The following LRATD1 variants were observed in gnomAD, a reference collection of about 807,000 sequenced individuals.
LRATD1 encodes protein LRATD1.
LRATD1 carries 8 observed loss-of-function variants against 21.3 expected under a neutral mutation model. The observed-to-expected ratio is 0.38, with a 90% confidence interval of 0.22 to 0.68. The LOEUF (loss-of-function observed/expected upper bound fraction) is 0.68. Among genes scored for constraint, LRATD1 ranks in the 30% least tolerant of loss-of-function variants. The pLI, the probability that LRATD1 is intolerant of heterozygous loss-of-function variation, is 0.54. For synonymous variants in LRATD1, 210 were observed against 186.2 expected, an observed-to-expected ratio of 1.13 and a Z score of -1.04; for missense variants, 380 against 404.0, an observed-to-expected ratio of 0.94 and a Z score of 0.51.
chr2:14,649,224 G>A, intron 4 of LRATD1: 1 of 453,770 alleles, frequency 2.2e-6, no homozygotes, highest in Non-Finnish European at 4.4e-6. Flanking sequence ...GGAGAGGATG[G>A]TGGAGGAAGG....
At chr2:14,644,747 C>A (rs10183223), downstream of LRATD1, among the ~76,000 whole-genome samples, 36,557 of 151,886 alleles carry the variant, frequency 0.24, 4,405 homozygotes, top group South Asian at 0.31. Context: ...AGGATAGTCT[C>A]ACCCAAGGAG....
At chr2:14,647,372 T>C (rs976462252) in intron 4 of LRATD1, among the ~76,000 whole-genome samples, 7 of 152,126 alleles carry the variant, frequency 4.6e-5, no homozygotes, top group African/African-American at 1.4e-4. Context: ...CAAACACTTC[T>C]TGATAAAAGT....
chr2:14,646,274 A>G (rs1671892820), intron 3 of LRATD1: 1 of 152,224 alleles, frequency 6.6e-6, no homozygotes, highest in African/African-American at 2.4e-5. Flanking sequence ...GACCAATTGT[A>G]TAACACACAC....
chr2:14,634,415 G>A lies in LRATD1; in HGVS notation c.436G>A (p.Val146Ile), dbSNP rs772320491. 1.3e-5 allele frequency: 20 copies of A among 1,524,982 alleles called. No individual in the cohort carries two copies. The highest frequency in any genetic ancestry group is 1.8e-5 in the Non-Finnish European group (20 of 1,140,568). The allele number at this position is 1,524,982 out of a possible 1,614,324, so 94.5% of individuals were successfully genotyped here. A position where few individuals can be genotyped will look rare whatever the true frequency, so the allele number is the denominator to read the frequency against. ...EPPAPAPHWA[V>I]YVGGGQIIHL... ...GCCCGCGCCCGCCCCGCACTGGGCC[G>A]TCTACGTGGGCGGCGGGCAGATCAT... Residue 146 changes from valine (V) to isoleucine (I), a missense_variant, in exon 2 of 2, where the codon GTC becomes ATC. Transcript: ENST00000295092.
At chr2:14,646,725 G>A (rs141035861) in intron 4 of LRATD1, among the ~76,000 whole-genome samples, 134 of 152,256 alleles carry the variant, frequency 8.8e-4, no homozygotes, top group African/African-American at 3.0e-3. Flanking sequence ...GTAATGACAT[G>A]AGACAGGCCA....
Position 14,633,519 on chromosome 2 carries a change from G to A in LRATD1, c.-36-425G>A, listed in dbSNP as rs1671601719. On this transcript the variant is annotated intron_variant, in intron 1 of 1. Transcript: ENST00000295092. The surrounding 1 kb of genome is among the most constrained non-coding windows in gnomAD (Gnocchi z 7.5). ...GTGCAAAACTGGGAGGTGGGCTGGA[G>A]AGGGTGGGGACAGAAATGGGAGCTT... 1 of 167,854 alleles carries A rather than the reference G, an allele frequency of 6.0e-6. No homozygotes were observed. The highest frequency in any genetic ancestry group is 2.4e-5 in the African/African-American group (1 of 42,000). 10.4% of individuals were successfully genotyped at this position (167,854 alleles called of 1,614,324 possible).
At chr2:14,646,232 G>A (rs1053598633) in intron 3 of LRATD1, 1 of 152,094 alleles carries the variant, frequency 6.6e-6, no homozygotes, top group Non-Finnish European at 1.5e-5. Flanking sequence ...AGGTATCAGG[G>A]TATTCAAAAA....
chr2:14,635,008 C>G lies in LRATD1; in HGVS notation c.*150C>G. On this transcript the variant is annotated 3_prime_UTR_variant, in exon 2 of 2. Coordinates refer to ENST00000295092, the MANE Select transcript of LRATD1 (RefSeq NM_145175.4). ...GTGGCCCGGGCCCGGGCTGCACCCC[C>G]GCATCCCCAAGCCAGCGGCAGGAAG... 9.1e-7 allele frequency: 1 copy of G among 1,102,314 alleles called. No individual in the cohort carries two copies. Among genetic ancestry groups the G allele is most frequent in the Non-Finnish European group, 1.3e-6 (1 of 753,912 alleles). The allele number at this position is 1,102,314 out of a possible 1,614,324, so 68.3% of individuals were successfully genotyped here.
downstream of LRATD1, among the ~76,000 whole-genome samples, chr2:14,644,055 G>C (rs748547029): frequency 1.3e-5 from 2 of 151,986 alleles, no homozygotes; most frequent in African/African-American, 4.8e-5. Context: ...GTCCTAGTGG[G>C]AGATAAACTC....
intron 2 of LRATD1, among the ~76,000 whole-genome samples, chr2:14,645,455 A>C (rs1264857734): frequency 6.6e-6 from 1 of 152,218 alleles, no homozygotes; most frequent in Non-Finnish European, 1.5e-5. Flanking sequence ...TAAGGCTGTG[A>C]AAACAGTCCA....
In LRATD1 at chr2:14,633,960, C is replaced by T; in HGVS notation, c.-20C>T. On this transcript the variant is annotated 5_prime_UTR_variant, in exon 2 of 2. Transcript: ENST00000295092. The surrounding 1 kb of genome is among the most constrained non-coding windows in gnomAD (Gnocchi z 7.5). The stretch of plus-strand genomic sequence containing the variant: ...CCTCCGCAGATCCCCGCTCCTGGCC[C>T]TCGCCTCGCCACCTCATTGATGGGC... 6.2e-7 allele frequency: 1 copy of T among 1,600,780 alleles called. No individual in the cohort carries two copies. The highest frequency in any genetic ancestry group is 8.5e-7 in the Non-Finnish European group (1 of 1,170,716).
intron 4 of LRATD1, among the ~76,000 whole-genome samples, chr2:14,648,742 C>T (rs905777489): frequency 6.6e-6 from 1 of 152,202 alleles, no homozygotes; most frequent in African/African-American, 2.4e-5. Context: ...TTGAGAACCA[C>T]TGCAATGAGA....
intron 2 of LRATD1, chr2:14,646,101 T>C (rs1399358200): frequency 6.6e-6 from 1 of 151,880 alleles, no homozygotes; most frequent in Admixed American, 6.6e-5. Flanking sequence ...CTTTTTCTTA[T>C]AGAACAAAAC....
chr2:14,635,054 C>A lies in LRATD1; in HGVS notation c.*196C>A. On this transcript the variant is annotated 3_prime_UTR_variant, in exon 2 of 2. Coordinates refer to ENST00000295092, the MANE Select transcript of LRATD1 (RefSeq NM_145175.4). ...GGAAGTCTCAGGAACTGCCCCAGGG[C>A]CGAAAGGGCGCCGCTGCGAGCGCCT... The A allele has an allele frequency of 2.4e-6, 2 of 842,278 alleles. No individual in the cohort carries two copies. Among genetic ancestry groups the A allele is most frequent in the Non-Finnish European group, 3.9e-6 (2 of 507,390 alleles). The allele number at this position is 842,278 out of a possible 1,614,324, so 52.2% of individuals were successfully genotyped here. A position where few individuals can be genotyped will look rare whatever the true frequency, so the allele number is the denominator to read the frequency against.
rs1414011364 is a variant in LRATD1, at chr2:14,634,781, G to C, written c.802G>C (p.Glu268Gln). 6.2e-7 allele frequency: 1 copy of C among 1,600,160 alleles called. No individual in the cohort carries two copies. The highest frequency in any genetic ancestry group is 1.7e-5 in the Admixed American group (1 of 58,504). The change falls in exon 2 of 2, where the codon GAG becomes CAG. Residue 268 changes from glutamate to glutamine, a missense_variant. Coordinates refer to ENST00000295092, the MANE Select transcript of LRATD1 (RefSeq NM_145175.4). Reference sequence around the variant, plus strand: ...TCACAGCCTGGAAGACCTCATCCGCGAGAAGCGCCGTATCGACGCCAGCGG... The same window carrying C: ...TCACAGCCTGGAAGACCTCATCCGCCAGAAGCGCCGTATCGACGCCAGCGG... ...RFHSLEDLIR[E>Q]KRRIDASGRL...
downstream of LRATD1, among the ~76,000 whole-genome samples, chr2:14,641,808 T>A (rs1298693531): frequency 6.6e-6 from 1 of 152,196 alleles, no homozygotes; most frequent in East Asian, 1.9e-4. Context: ...CCATTCTAAA[T>A]TCCAGAACAG....
chr2:14,634,216 G>A lies in LRATD1; in HGVS notation c.237G>A (p.Leu79=), dbSNP rs112489085. The change falls in exon 2 of 2, where the codon CTG becomes CTA. Residue 79 remains leucine, a synonymous_variant. Transcript: ENST00000295092. The part of the protein sequence containing the change: ...SRHHHHLLHQ[L]VLNETQFSAF... The stretch of plus-strand genomic sequence containing the variant: ...ACCACCACCACCTGCTGCACCAGCT[G>A]GTCCTCAACGAGACTCAGTTTTCCG... 18 of 1,613,058 alleles carry A rather than the reference G, an allele frequency of 1.1e-5. No individual in the cohort carries two copies. In the African/African-American group the frequency reaches 1.6e-4, roughly 14 times the overall value.
rs1558253575 is a variant in LRATD1 at position 14,633,041 on chromosome 2, AACCTCTCT to A, written c.-37+107_-37+114del. The A allele has an allele frequency of 1.3e-5, 2 of 152,412 alleles. No individual in the cohort carries two copies. Among genetic ancestry groups the A allele is most frequent in the African/African-American group, 4.8e-5 (2 of 41,490 alleles). 9.4% of individuals were successfully genotyped at this position (152,412 alleles called of 1,614,324 possible). ...GAGAGGGGTCTTTGGGCTAAAAGTG[AACCTCTCT>A]ACACACACACGCTCCCACCCACACC... On this transcript the variant is annotated intron_variant, in intron 1 of 1. Coordinates refer to ENST00000295092, the MANE Select transcript of LRATD1 (RefSeq NM_145175.4). This position sits in a 1 kb window ranked among gnomAD's most constrained non-coding sequence, Gnocchi z 7.5.
chr2:14,649,715 T>G (rs1671969444), downstream of LRATD1: 2 of 194,480 alleles, frequency 1.0e-5, no homozygotes, highest in South Asian at 2.1e-4. Context: ...CTGCGTGGAC[T>G]CACAGTGCAC....
Sources: gnomAD v4.1 joint callset for allele counts (sites outside exome capture counted in the v4.1 genomes callset) on GRCh38, gnomAD v4.1.1 for gene constraint, Gnocchi (gnomAD v3.1) non-coding constraint, MANE v1.5 for transcripts, NCBI Gene and HGNC (gene_info 2026-07-23, HGNC 2026-07-21) for gene names.